PACS2: variants seen among roughly 807,000 people sequenced by gnomAD.
PACS2 encodes the protein PACS1-like protein.
PACS2 carries 36 observed loss-of-function variants against 113.0 expected under a neutral mutation model. The ratio of observed to expected loss-of-function variants is 0.32; its 90% CI spans 0.24 to 0.42. The LOEUF is 0.42. PACS2 is among the 10% of genes least tolerant of loss of function. The pLI is 1.00. For synonymous variants in PACS2, 589 were observed against 536.1 expected (o/e 1.10, Z -1.36); for missense variants, 1,015 against 1,239.5 (o/e 0.82, Z 2.72).
chr14:105,321,009 C>T (rs2058864995), intron 1 of PACS2, among the ~76,000 whole-genome samples: 1 of 152,152 alleles, frequency 6.6e-6, no homozygotes, highest in Non-Finnish European at 1.5e-5. Flanking sequence ...AAAAATTAGC[C>T]AGGCGTGGTG....
rs1307370920 is a variant in PACS2, at chr14:105,358,963, G to C, written c.423+3786G>C. The stretch of plus-strand genomic sequence containing the variant: ...TGGGTGGCCCCGTGAGAATATGATG[G>C]CACTGGACACTTCCTATCTCCTGAT... On this transcript the variant is annotated intron_variant, in intron 4 of 24. Coordinates refer to ENST00000447393, the MANE Select transcript of PACS2 (RefSeq NM_001100913.3). This position sits in a 1 kb window ranked among gnomAD's most constrained non-coding sequence, Gnocchi z 4.9. Among the ~76,000 whole-genome samples, 1 of 152,206 alleles carries C rather than the reference G, an allele frequency of 6.6e-6. No individual in the cohort carries two copies. The highest frequency in any genetic ancestry group is 6.5e-5 in the Admixed American group (1 of 15,278).
At chr14:105,370,061 G>C (rs1335304145) in intron 8 of PACS2, 161 bp downstream of exon 8, 1 of 625,478 alleles carries the variant, frequency 1.6e-6, no homozygotes, top group African/African-American at 1.9e-5. Flanking sequence ...AGTGACAGTG[G>C]CACTGCCTCC....
intron 23 of PACS2, 66 bp downstream of exon 23, chr14:105,392,911 G>A (rs1380696649): frequency 2.1e-5 from 27 of 1,289,944 alleles, no homozygotes; most frequent in Middle Eastern, 2.6e-4. Flanking sequence ...AGGGCGGCTC[G>A]CAGTCAACAG....
chr14:105,385,085 G>A (rs587680403), intron 18 of PACS2, 98 bp downstream of exon 18: 56 of 781,904 alleles, frequency 7.2e-5, no homozygotes, highest in Non-Finnish European at 1.0e-4. Context: ...CTGGTGGGCC[G>A]CAGAGCCCTG....
At position 105,394,582 on chromosome 14, in the gene PACS2, C is replaced by T. The variant is rs201014934; in HGVS notation, c.2625C>T (p.Asp875=). The T allele has an allele frequency of 6.8e-6, 11 of 1,613,296 alleles. No homozygotes were observed. The highest frequency in any genetic ancestry group is 5.3e-5 in the African/African-American group (4 of 75,046). ...RVLIDGVECS[D]VKFFQLAAQW... is the part of the protein sequence containing the mutation. ...TCATCGACGGCGTGGAGTGCAGCGA[C>T]GTCAAGTTCTTCCAGCTGGCCGCGC... The change falls in exon 25 of 25, where the codon GAC becomes GAT. Residue 875 remains aspartate, a synonymous_variant. Coordinates refer to ENST00000447393, the MANE Select transcript of PACS2 (RefSeq NM_001100913.3).
chr14:105,335,811 G>A (rs1297608390), intron 1 of PACS2, among the ~76,000 whole-genome samples: 1 of 152,240 alleles, frequency 6.6e-6, no homozygotes, highest in Non-Finnish European at 1.5e-5. Context: ...AGGCTGGCAA[G>A]AGCTGGCAGC....
At chr14:105,332,357 C>T (rs959104509) in intron 1 of PACS2, among the ~76,000 whole-genome samples, 27 of 152,312 alleles carry the variant, frequency 1.8e-4, no homozygotes, top group Admixed American at 1.6e-3. Context: ...ACCCACAACA[C>T]GGAGCACGGG....
chr14:105,300,948 G>A (rs587646776), exon 1 of PACS2: 1 of 155,250 alleles, frequency 6.4e-6, no homozygotes, highest in Admixed American at 6.5e-5. Flanking sequence ...TGCGGGGGCT[G>A]GGCTTCGGCG....
chr14:105,334,614 C>T (rs2059437934), intron 1 of PACS2, among the ~76,000 whole-genome samples: 1 of 151,924 alleles, frequency 6.6e-6, no homozygotes, highest in Non-Finnish European at 1.5e-5. Flanking sequence ...CCAGTGTCTA[C>T]ATAGAGCTCC....
chr14:105,392,990 C>A (rs1170911221), intron 23 of PACS2, 145 bp downstream of exon 23: 2 of 707,048 alleles, frequency 2.8e-6, no homozygotes, highest in Non-Finnish European at 4.8e-6. Flanking sequence ...GGTGAGGGAG[C>A]CTGAATCCTG....
chr14:105,304,028 C>T (rs914974993), intron 1 of PACS2, among the ~76,000 whole-genome samples: 1 of 152,240 alleles, frequency 6.6e-6, no homozygotes. Flanking sequence ...TTCGTGTGCT[C>T]CCTCACCAAA....
intron 22 of PACS2, chr14:105,392,096 A>G: frequency 2.5e-6 from 1 of 394,236 alleles, no homozygotes; most frequent in African/African-American, 2.1e-5. Flanking sequence ...GAGTCTCTAG[A>G]CGGTCCTCAT....
chr14:105,307,274 G>A (rs2058217953), intron 1 of PACS2, among the ~76,000 whole-genome samples: 1 of 151,988 alleles, frequency 6.6e-6, no homozygotes, highest in African/African-American at 2.4e-5. Flanking sequence ...TCAGGCTCCT[G>A]CATTCCTGAA....
upstream of PACS2, among the ~76,000 whole-genome samples, chr14:105,310,306 G>A (rs1409929818): frequency 1.3e-5 from 2 of 150,884 alleles, no homozygotes; most frequent in African/African-American, 4.9e-5. Flanking sequence ...CGAGGCGGGC[G>A]GATCATGAGG....
In PACS2 at chr14:105,395,131, C is replaced by T. The variant is rs1292491460; in HGVS notation, c.*459C>T. 4 of 164,838 alleles carry T rather than the reference C, an allele frequency of 2.4e-5. No homozygotes were observed. Among genetic ancestry groups the T allele is most frequent in the Non-Finnish European group, 4.0e-5 (3 of 75,440 alleles). The allele number at this position is 164,838 out of a possible 1,614,324, so 10.2% of individuals were successfully genotyped here. ...TTGAGCCTGGGGGGGCCGTCCTGCC[C>T]GCCTAAGAGATGCCCCCAGCACCGC... On this transcript the variant is annotated 3_prime_UTR_variant, in exon 25 of 25. Coordinates refer to ENST00000447393, the MANE Select transcript of PACS2 (RefSeq NM_001100913.3).
At chr14:105,387,471 G>A (rs1003103830) in intron 19 of PACS2, among the ~76,000 whole-genome samples, 11 of 152,182 alleles carry the variant, frequency 7.2e-5, no homozygotes, top group African/African-American at 2.7e-4. Context: ...TGTGCCCTCC[G>A]TGCCCGCGGG....
Position 105,374,118 on chromosome 14 carries a change from G to A in PACS2, c.802-2650G>A, listed in dbSNP as rs945722261. 7.4e-5 allele frequency among the ~76,000 whole-genome samples: 11 copies of A among 148,900 alleles called. No individual in the cohort carries two copies. The Admixed American group carries it at 7.4e-4, about 10-fold the overall frequency. On this transcript the variant is annotated intron_variant, in intron 8 of 24. Coordinates refer to ENST00000447393, the MANE Select transcript of PACS2 (RefSeq NM_001100913.3). Reference sequence around the variant, plus strand: ...TGCAGTGAGCCAACATTGCATCATTGCACTCCAGCCTGGGCGACACAGCGA... The same window carrying A: ...TGCAGTGAGCCAACATTGCATCATTACACTCCAGCCTGGGCGACACAGCGA...
Position 105,394,661 on chromosome 14 carries a change from G to T in PACS2, c.2704G>T (p.Ala902Ser). The change falls in exon 25 of 25, where the codon GCC (alanine) becomes TCC (serine). Residue 902 changes from alanine to serine, a missense_variant. Physicochemically the swap from Ala to Ser is moderately conservative, Grantham distance 99. Around this residue, in one of 3 missense-constraint regions of PACS2, gnomAD observed 859 missense variants for 1,056.8 expected, o/e 0.81. Coordinates refer to ENST00000447393, the MANE Select transcript of PACS2 (RefSeq NM_001100913.3). ...FPICIFGHSK[A>S]TF ...CATCTGCATCTTCGGACACTCCAAG[G>T]CCACCTTCTAGCCCCACCCACCAGG... 1 of 1,610,696 alleles carries T rather than the reference G, an allele frequency of 6.2e-7. No homozygotes were observed. The highest frequency in any genetic ancestry group is 8.5e-7 in the Non-Finnish European group (1 of 1,177,560).
At chr14:105,359,623 G>A (rs1399294684) in intron 4 of PACS2, among the ~76,000 whole-genome samples, 6 of 122,956 alleles carry the variant, frequency 4.9e-5, no homozygotes, top group African/African-American at 2.0e-4. Flanking sequence ...ACAGAATCTC[G>A]CTCTGTCGCC....
Sources: allele counts gnomAD v4.1 joint callset (sites outside exome capture counted in the v4.1 genomes callset), GRCh38; gene constraint gnomAD v4.1.1; regional missense constraint gnomAD v4.1.1; non-coding constraint Gnocchi (gnomAD v3.1); transcripts MANE v1.5; gene names NCBI Gene and HGNC (gene_info 2026-07-23, HGNC 2026-07-21).